Variants in POTEJ observed in about 807,000 individuals in gnomAD.
The protein encoded by POTEJ is POTE ankyrin domain family, member J.
A neutral mutation model predicts 69.0 loss-of-function variants in POTEJ; 11 were observed. The ratio of observed to expected loss-of-function variants is 0.16; its 90% CI spans 0.10 to 0.26. The LOEUF (loss-of-function observed/expected upper bound fraction) is 0.26, where lower values mean the gene tolerates loss of function less well. Among genes scored for constraint, POTEJ ranks in the 10% least tolerant of loss-of-function variants. POTEJ has a pLI of 1.00. For synonymous variants in POTEJ, 117 were observed against 381.1 expected (o/e 0.31, Z 8.07); for missense variants, 327 against 1,045.5 (o/e 0.31, Z 9.48).
chr2:130,642,674 T>C (rs1262801224), intron 10 of POTEJ, among the ~76,000 whole-genome samples: 2 of 152,250 alleles, frequency 1.3e-5, no homozygotes, highest in Non-Finnish European at 2.9e-5. Context: ...AAATTACACA[T>C]AAGGCTTTCA....
At chr2:130,646,347 G>T in intron 13 of POTEJ, 37 bp downstream of exon 13, 1 of 557,040 alleles carries the variant, frequency 1.8e-6, no homozygotes, top group South Asian at 2.2e-5. Context: ...AGGTAACTTT[G>T]TGCTGTCAAA....
chr2:130,624,180 T>G, intron 6 of POTEJ, 46 bp downstream of exon 6: 1 of 1,244,558 alleles, frequency 8.0e-7, no homozygotes, highest in Non-Finnish European at 1.1e-6. Flanking sequence ...GTCCCCAACC[T>G]TTTTGACACC....
At chr2:130,638,152 T>C (rs1266449673) in intron 9 of POTEJ, among the ~76,000 whole-genome samples, 1 of 150,394 alleles carries the variant, frequency 6.6e-6, no homozygotes, top group Non-Finnish European at 1.5e-5. Flanking sequence ...AGTCATAAAG[T>C]TTAGGAACAA....
chr2:130,639,334 T>C (rs1558927465), intron 10 of POTEJ, among the ~76,000 whole-genome samples: 3 of 152,310 alleles, frequency 2.0e-5, no homozygotes, highest in South Asian at 4.1e-4. Context: ...TCATGTTACA[T>C]ATGCTTGTGC....
chr2:130,637,288 A>G (rs1686130199), intron 9 of POTEJ, among the ~76,000 whole-genome samples: 1 of 150,358 alleles, frequency 6.7e-6, no homozygotes, highest in African/African-American at 2.4e-5. Context: ...ACTGAGTCAG[A>G]GGAATTGCAA....
chr2:130,648,059 A>G (rs1249085000), intron 13 of POTEJ, among the ~76,000 whole-genome samples: 1,073 of 123,758 alleles, frequency 8.7e-3, no homozygotes, highest in East Asian at 0.014. Context: ...CAATTACTTC[A>G]TATATTTGAT....
intron 10 of POTEJ, among the ~76,000 whole-genome samples, chr2:130,641,334 T>G (rs1363951272): frequency 1.3e-5 from 2 of 151,462 alleles, no homozygotes; most frequent in Non-Finnish European, 3.0e-5. Context: ...CATGGTGAAA[T>G]AAATAATGTT....
In POTEJ at chr2:130,657,476, C is replaced by T; in HGVS notation, c.2716C>T (p.Pro906Ser). The T allele has an allele frequency of 1.9e-6, 3 of 1,576,228 alleles. No individual in the cohort carries two copies. The highest frequency in any genetic ancestry group is 2.6e-6 in the Non-Finnish European group (3 of 1,152,888). ...CTCCCTAGAGAAGAGCTACGAGCTGCCCGATGGCCAGGTCATCACCATCAG... is the reference window on the plus strand; with the variant it reads ...CTCCCTAGAGAAGAGCTACGAGCTGTCCGATGGCCAGGTCATCACCATCAG... ...SSSLEKSYEL[P>S]DGQVITISNE... The change falls in exon 15 of 15, where the codon CCC (proline) becomes TCC (serine). Residue 906 changes from proline (P) to serine (S), a missense_variant. Physicochemically the swap from Pro to Ser is moderately conservative, Grantham distance 74 (BLOSUM62 -1). Transcript: ENST00000409602.
intron 5 of POTEJ, among the ~76,000 whole-genome samples, 193 bp from the exon 6 acceptor site, chr2:130,623,871 C>T (rs1158243179): frequency 9.5e-5 from 12 of 126,842 alleles, no homozygotes; most frequent in Admixed American, 8.5e-4. Context: ...GAGTATTTCA[C>T]CTTACATTTT....
At position 130,625,961 on chromosome 2, in the gene POTEJ, A is replaced by G. The variant is rs1467252075; in HGVS notation, c.1015+1827A>G. ...TTGTTCTTTGATATCCTAGGATCCC[A>G]CTTTTCCCTCTTTCAGCTGTGCTGT... On this transcript the variant is annotated intron_variant, in intron 6 of 14. Transcript: ENST00000409602. Among the ~76,000 whole-genome samples the G allele has an allele frequency of 2.9e-5, 4 of 136,822 alleles. 1 individual carries two copies. The highest frequency in any genetic ancestry group is 6.2e-5 in the Non-Finnish European group (4 of 64,708). The allele number at this position is 136,822 out of a possible 152,430, so 89.8% of individuals were successfully genotyped here.
intron 3 of POTEJ, among the ~76,000 whole-genome samples, chr2:130,617,870 CT>C (rs1685426045): frequency 6.6e-6 from 1 of 152,310 alleles, no homozygotes; most frequent in Non-Finnish European, 1.5e-5. Context: ...AGACAAGGTT[CT>C]CTTCAATTTT....
At chr2:130,611,303 G>GC (rs1318819813), upstream of POTEJ, among the ~76,000 whole-genome samples, 1 of 142,670 alleles carries the variant, frequency 7.0e-6, no homozygotes, top group Non-Finnish European at 1.5e-5. Flanking sequence ...TTTTCTTGGG[G>GC]GGGGGGGGGT....
At position 130,632,908 on chromosome 2, in the gene POTEJ, T is replaced by C. The variant is rs1685958281; in HGVS notation, c.1298+252T>C. Among the ~76,000 whole-genome samples the C allele has an allele frequency of 1.4e-5, 2 of 146,880 alleles. 1 individual carries two copies. The highest frequency in any genetic ancestry group is 3.0e-5 in the Non-Finnish European group (2 of 66,890). ...TTTTCTTTTTAGTGAACTTTTCTTT[T>C]AGTTTCAGGGGTACATGTGCAGGGT... On this transcript the variant is annotated intron_variant, in intron 9 of 14. Coordinates refer to ENST00000409602, the MANE Select transcript of POTEJ (RefSeq NM_001277083.2).
chr2:130,613,257 C>CATATATATACATATGT (rs1416609904), intron 1 of POTEJ, among the ~76,000 whole-genome samples: 1 of 99,100 alleles, frequency 1.0e-5, no homozygotes. Flanking sequence ...TATATATACA[C>CATATATATACATATGT]ATATATACAT....
At chr2:130,618,637 C>T (rs1246634313) in intron 3 of POTEJ, among the ~76,000 whole-genome samples, 1 of 145,936 alleles carries the variant, frequency 6.9e-6, no homozygotes, top group Non-Finnish European at 1.5e-5. Flanking sequence ...AATCTGGATA[C>T]ACTCCTGCTT....
rs562514817 is a variant in POTEJ, at chr2:130,625,865, G to A, written c.1015+1731G>A. ...TCCTGTGTGCCATGGGAAATTTACC[G>A]GGTAGAATGCTTTGGACTGCAAATA... On this transcript the variant is annotated intron_variant, in intron 6 of 14. Transcript: ENST00000409602. 2.5e-4 allele frequency among the ~76,000 whole-genome samples: 34 copies of A among 134,198 alleles called. 1 individual carries two copies. The highest frequency in any genetic ancestry group is 3.6e-3 in the Middle Eastern group (1 of 276). The allele number at this position is 134,198 out of a possible 152,430, so 88.0% of individuals were successfully genotyped here. A position where few individuals can be genotyped will look rare whatever the true frequency, so the allele number is the denominator to read the frequency against.
Position 130,636,435 on chromosome 2 carries a change from G to A in POTEJ, c.1299-2184G>A, listed in dbSNP as rs1358584808. Among the ~76,000 whole-genome samples the A allele has an allele frequency of 1.1e-4, 16 of 143,264 alleles. 1 individual carries two copies. Among genetic ancestry groups the A allele is most frequent in the Admixed American group, 7.1e-4 (10 of 14,136 alleles). 94.0% of individuals were successfully genotyped at this position (143,264 alleles called of 152,430 possible). ...TCAACGCTGTTAACCTTATGTCATC[G>A]TTTCTTAGAGTCTTTGATATACAAA... On this transcript the variant is annotated intron_variant, in intron 9 of 14. Transcript: ENST00000409602.
intron 6 of POTEJ, among the ~76,000 whole-genome samples, chr2:130,629,215 C>T (rs1468709999): frequency 8.1e-4 from 119 of 146,088 alleles, no homozygotes; most frequent in Non-Finnish European, 1.4e-3. Flanking sequence ...CATTTAGGTT[C>T]GCACCAGCTC....
At position 130,657,049 on chromosome 2, in the gene POTEJ, G is replaced by T. The variant is rs1414709142; in HGVS notation, c.2289G>T (p.Glu763Asp). Residue 763 changes from glutamate to aspartate, a missense_variant, in exon 15 of 15, where the codon GAG (glutamate) becomes GAT (aspartate). By Grantham distance (45) the Glu-to-Asp change is conservative. Transcript: ENST00000409602. ...ACGAGCTGCGTGTGGCCCCCGAGGA[G>T]CACCCCATCCTGCTGACCGAGGCCC... Reference protein sequence around the residue: ...FYNELRVAPEEHPILLTEAPL... With the variant: ...FYNELRVAPEDHPILLTEAPL... 6.3e-7 allele frequency: 1 copy of T among 1,581,518 alleles called. No homozygotes were observed. Among genetic ancestry groups the T allele is most frequent in the Non-Finnish European group, 8.6e-7 (1 of 1,156,998 alleles).
Sources: gnomAD v4.1 joint callset for allele counts (sites outside exome capture counted in the v4.1 genomes callset) on GRCh38, gnomAD v4.1.1 for gene constraint, MANE v1.5 for transcripts, NCBI Gene and HGNC (gene_info 2026-07-23, HGNC 2026-07-21) for gene names.